INTS9: variants seen among roughly 807,000 people sequenced by gnomAD.
INTS9 encodes the protein integrator complex subunit 9.
Under a neutral mutation model 79.7 loss-of-function variants are expected in INTS9, and 55 were observed. That is an observed-to-expected ratio of 0.69 (90% CI 0.56 to 0.86). The LOEUF (loss-of-function observed/expected upper bound fraction) is 0.86, where lower values mean the gene tolerates loss of function less well. Ranked by LOEUF, INTS9 falls within the 40% of genes least tolerant of loss-of-function variation. The pLI, the probability that INTS9 is intolerant of heterozygous loss-of-function variation, is 0.00. For missense variants in INTS9, 721 were observed against 831.5 expected, an observed-to-expected ratio of 0.87 and a Z score of 1.64; for synonymous variants, 319 against 325.2, an observed-to-expected ratio of 0.98 and a Z score of 0.20.
intron 3 of INTS9, 150 bp from the exon 4 acceptor site, chr8:28,846,959 A>G: frequency 4.6e-6 from 3 of 655,300 alleles, no homozygotes; most frequent in Admixed American, 5.3e-5. Flanking sequence ...CGACTGTCCT[A>G]TGTTTAGGCT....
rs750303097 is a variant in INTS9, at chr8:28,813,514, A to C, written c.587T>G (p.Leu196Arg). 5 of 1,613,538 alleles carry C rather than the reference A, an allele frequency of 3.1e-6. No homozygotes were observed. In the Admixed American group the frequency reaches 8.3e-5, roughly 27 times the overall value. The change falls in exon 7 of 17, where the codon CTG (leucine) becomes CGG (arginine). Residue 196 changes from leucine (L) to arginine (R), a missense_variant. Physicochemically the swap from Leu to Arg is moderately radical, Grantham distance 102. Coordinates refer to ENST00000521022, the MANE Select transcript of INTS9 (RefSeq NM_018250.4). ...EVNSALSKIQ[L>R]VGYSQKIELF... ...CACAATTTTCTGAGAATATCCCACC[A>C]GCTGGATTTTACTAAGGGCAGAGTT...
intron 11 of INTS9, among the ~76,000 whole-genome samples, chr8:28,786,423 T>C (rs1803594319): frequency 1.3e-5 from 2 of 152,278 alleles, no homozygotes; most frequent in South Asian, 2.1e-4. Flanking sequence ...CTAGGGTAGC[T>C]AGAACTACAG....
intron 11 of INTS9, among the ~76,000 whole-genome samples, chr8:28,782,614 G>A (rs1416540782): frequency 6.6e-6 from 1 of 152,220 alleles, no homozygotes; most frequent in African/African-American, 2.4e-5. Context: ...TGGTAACACA[G>A]ACAGTTATAT....
chr8:28,781,045 G>T, intron 11 of INTS9, 51 bp from the exon 12 acceptor site: 2 of 1,491,898 alleles, frequency 1.3e-6, no homozygotes, highest in Non-Finnish European at 1.8e-6. Flanking sequence ...CCAGGCTGAA[G>T]GGGGAACCAA....
At chr8:28,883,289 G>A (rs1809996046) in intron 1 of INTS9, among the ~76,000 whole-genome samples, 5 of 152,094 alleles carry the variant, frequency 3.3e-5, no homozygotes, top group Admixed American at 6.6e-5. Flanking sequence ...GATTCTTATG[G>A]CACCATATTT....
intron 1 of INTS9, among the ~76,000 whole-genome samples, chr8:28,885,140 T>TA (rs1376388703): frequency 3.4e-4 from 52 of 152,384 alleles, no homozygotes; most frequent in African/African-American, 1.2e-3. Flanking sequence ...AATGGCAAGT[T>TA]AAAAGTTTGA....
intron 1 of INTS9, among the ~76,000 whole-genome samples, chr8:28,877,599 A>C (rs1809466009): frequency 6.6e-6 from 1 of 152,168 alleles, no homozygotes; most frequent in Admixed American, 6.5e-5. Flanking sequence ...AAAGGAGATA[A>C]TCTGTAAAAT....
intron 6 of INTS9, among the ~76,000 whole-genome samples, chr8:28,821,759 G>GT (rs568600213): frequency 2.5e-3 from 348 of 141,576 alleles, no homozygotes; most frequent in South Asian, 5.1e-3. Flanking sequence ...ATATCTGTGG[G>GT]TTTTTTTTTT....
intron 1 of INTS9, among the ~76,000 whole-genome samples, chr8:28,879,993 T>C (rs1271404046): frequency 2.6e-5 from 4 of 152,126 alleles, no homozygotes; most frequent in Non-Finnish European, 5.9e-5. Flanking sequence ...CTAAAAGTCA[T>C]TGAATTTTGT....
At chr8:28,876,339 T>C (rs1809384322) in intron 1 of INTS9, among the ~76,000 whole-genome samples, 1 of 152,184 alleles carries the variant, frequency 6.6e-6, no homozygotes, top group African/African-American at 2.4e-5. Flanking sequence ...AAATCCATTG[T>C]TTACTCAAAA....
chr8:28,850,481 T>C (rs1467833086), intron 2 of INTS9, among the ~76,000 whole-genome samples: 1 of 151,664 alleles, frequency 6.6e-6, no homozygotes, highest in Non-Finnish European at 1.5e-5. Flanking sequence ...AAAGGTCAAA[T>C]AGTTTAGTGG....
chr8:28,774,725 A>G (rs1199019028), intron 14 of INTS9, among the ~76,000 whole-genome samples: 6 of 152,142 alleles, frequency 3.9e-5, no homozygotes, highest in Middle Eastern at 3.2e-3. Flanking sequence ...GGTTTTAACA[A>G]TAAGTTTTTA....
intron 6 of INTS9, among the ~76,000 whole-genome samples, chr8:28,824,733 G>A (rs1233772665): frequency 6.6e-6 from 1 of 152,168 alleles, no homozygotes; most frequent in Non-Finnish European, 1.5e-5. Flanking sequence ...TTTGAGGAAG[G>A]AGAGATTTCT....
At chr8:28,773,694 GT>G (rs112128891) in intron 14 of INTS9, among the ~76,000 whole-genome samples, 2 of 150,826 alleles carry the variant, frequency 1.3e-5, no homozygotes, top group African/African-American at 4.9e-5. Flanking sequence ...GCTAATTTTT[GT>G]TTTTTTATTA....
At chr8:28,849,640 G>T (rs532396513) in intron 3 of INTS9, among the ~76,000 whole-genome samples, 1 of 152,216 alleles carries the variant, frequency 6.6e-6, no homozygotes, top group Admixed American at 6.5e-5. Context: ...TGCTGGGGAA[G>T]TCAAACACTC....
chr8:28,865,574 T>C (rs1808698938), intron 1 of INTS9, among the ~76,000 whole-genome samples: 1 of 152,064 alleles, frequency 6.6e-6, no homozygotes, highest in African/African-American at 2.4e-5. Flanking sequence ...ATATAATAAC[T>C]GTGACACTTA....
chr8:28,787,413 A>G (rs1803669005), intron 11 of INTS9, among the ~76,000 whole-genome samples: 1 of 152,238 alleles, frequency 6.6e-6, no homozygotes, highest in African/African-American at 2.4e-5. Flanking sequence ...GAAGCAGGCT[A>G]TGAATTGCAT....
chr8:28,813,350 G>T, intron 7 of INTS9, 142 bp downstream of exon 7: 1 of 801,290 alleles, frequency 1.2e-6, no homozygotes. Context: ...AATCCTGCGC[G>T]GAACGGAGGA....
At chr8:28,881,187 G>A (rs1385007241) in intron 1 of INTS9, among the ~76,000 whole-genome samples, 11 of 141,234 alleles carry the variant, frequency 7.8e-5, no homozygotes, top group Admixed American at 1.4e-4. Context: ...GCCTCTGCCC[G>A]GCCGCCCCTA....
Sources: gnomAD v4.1 joint callset for allele counts (sites outside exome capture counted in the v4.1 genomes callset) on GRCh38, gnomAD v4.1.1 for gene constraint, MANE v1.5 for transcripts, NCBI Gene and HGNC (gene_info 2026-07-23, HGNC 2026-07-21) for gene names.